DVL1: variants seen among roughly 807,000 people sequenced by gnomAD.
The protein encoded by DVL1 is dishevelled segment polarity protein 1.
Under a neutral mutation model 65.0 loss-of-function variants are expected in DVL1, and 49 were observed. The observed-to-expected ratio is 0.75, with a 90% CI of 0.60 to 0.96. The LOEUF (loss-of-function observed/expected upper bound fraction) is 0.96. DVL1 is among the 40% of genes least tolerant of loss of function. DVL1 has a pLI of 0.00. For missense variants in DVL1, 1,197 were observed against 1,045.4 expected (o/e 1.15, Z -2.00); for synonymous variants, 608 against 433.9 (o/e 1.40, Z -4.99).
At position 1,340,113 on chromosome 1, in the gene DVL1, G is replaced by C. The variant is rs1178197043; in HGVS notation, c.834C>G (p.Ile278Met). 1.2e-6 allele frequency: 2 copies of C among 1,613,276 alleles called. No homozygotes were observed. Among genetic ancestry groups the C allele is most frequent in the African/African-American group, 2.7e-5 (2 of 74,816 alleles). The change falls in exon 8 of 15, where the codon ATC (isoleucine) becomes ATG (methionine). Residue 278 changes from isoleucine (I) to methionine (M), a missense_variant. Transcript: ENST00000378888. Reference protein sequence around the residue: ...GQSNDRGDGGIYIGSIMKGGA... With the variant: ...GQSNDRGDGGMYIGSIMKGGA... Reference sequence around the variant, plus strand: ...CGCCCTTCATGATGGAGCCAATGTAGATGCCGCCGTCTCCACGGTCGTTGC... The same window carrying C: ...CGCCCTTCATGATGGAGCCAATGTACATGCCGCCGTCTCCACGGTCGTTGC...
In DVL1 at chr1:1,340,111, T is replaced by A; in HGVS notation, c.836A>T (p.Tyr279Phe). Residue 279 changes from tyrosine to phenylalanine, a missense_variant, in exon 8 of 15, where the codon TAC (tyrosine) becomes TTC (phenylalanine). Tyr to Phe is a conservative substitution (Grantham distance 22). Transcript: ENST00000378888. ...CCCGCCCTTCATGATGGAGCCAATG[T>A]AGATGCCGCCGTCTCCACGGTCGTT... ...QSNDRGDGGIYIGSIMKGGAV... is the reference protein window; with the variant it reads ...QSNDRGDGGIFIGSIMKGGAV... 5.0e-6 allele frequency: 8 copies of A among 1,613,246 alleles called. 1 individual carries two copies. The Middle Eastern group carries it at 1.3e-3, about 266-fold the overall frequency.
chr1:1,342,491 A>G lies in DVL1; in HGVS notation c.241-7T>C. On this transcript the variant is annotated splice_polypyrimidine_tract_variant and splice_region_variant and intron_variant, in intron 2 of 14. Transcript: ENST00000378888. Reference sequence around the variant, plus strand: ...CACCCTCAGCCAGGACCAGCTGTGGAGGGAGCAGGCATGCTCAGGGGAGCC... The same window carrying G: ...CACCCTCAGCCAGGACCAGCTGTGGGGGGAGCAGGCATGCTCAGGGGAGCC... 6.2e-7 allele frequency: 1 copy of G among 1,609,964 alleles called. No individual in the cohort carries two copies. Among genetic ancestry groups the G allele is most frequent in the Non-Finnish European group, 8.5e-7 (1 of 1,179,268 alleles).
At chr1:1,347,591 G>C (rs1477551449) in intron 1 of DVL1, among the ~76,000 whole-genome samples, 2 of 152,140 alleles carry the variant, frequency 1.3e-5, no homozygotes, top group Non-Finnish European at 2.9e-5. Context: ...TAGTAACTTT[G>C]GTAACTTTCG....
In DVL1 at chr1:1,342,370, A is replaced by AG. The variant is rs1327655221; in HGVS notation, c.354dup (p.Ser119LeufsTer11). 1 of 1,578,260 alleles carries AG rather than the reference A, an allele frequency of 6.3e-7. No homozygotes were observed. The highest frequency in any genetic ancestry group is 1.8e-5 in the Admixed American group (1 of 55,620). On this transcript the variant is annotated frameshift_variant, in exon 3 of 15. Transcript: ENST00000378888. LOFTEE classifies it high-confidence loss of function. ...CGCCCACGGTGTCCTTACTGGAAGG[A>AG]GGGGGGCCGGGAGTCCCCGATGCCG...
At chr1:1,343,961 C>G (rs1386098462) in intron 1 of DVL1, among the ~76,000 whole-genome samples, 1 of 152,146 alleles carries the variant, frequency 6.6e-6, no homozygotes, top group Non-Finnish European at 1.5e-5. Flanking sequence ...GGCACCCAGG[C>G]AGGCCGCAGA....
chr1:1,347,608 T>A (rs1643936282), intron 1 of DVL1, among the ~76,000 whole-genome samples: 1 of 152,154 alleles, frequency 6.6e-6, no homozygotes, highest in Non-Finnish European at 1.5e-5. Flanking sequence ...TTCGTTAGAA[T>A]AATAAACTAA....
At chr1:1,341,284 C>T (rs536811830) in intron 5 of DVL1, among the ~76,000 whole-genome samples, 22 of 151,972 alleles carry the variant, frequency 1.4e-4, no homozygotes, top group African/African-American at 5.1e-4. Context: ...ACTGTGAAAA[C>T]GCACCTCACA....
intron 14 of DVL1, 118 bp from the exon 15 acceptor site, chr1:1,336,633 T>C: frequency 7.5e-7 from 1 of 1,336,052 alleles, no homozygotes; most frequent in Non-Finnish European, 9.7e-7. Context: ...GACGGGTGGG[T>C]GGGGCAGCCA....
At chr1:1,340,524 C>G in intron 5 of DVL1, 21 bp from the exon 6 acceptor site, 2 of 1,580,814 alleles carry the variant, frequency 1.3e-6, no homozygotes, top group South Asian at 1.1e-5. Context: ...ACTGTCAGAG[C>G]TCAGAGGAGC....
chr1:1,342,874 C>T lies in DVL1; in HGVS notation c.171-116G>A, dbSNP rs1643869762. On this transcript the variant is annotated intron_variant, in intron 1 of 14. Transcript: ENST00000378888. ...CCACACAATGTCACTCTGTGGACAC[C>T]CCTGCTAGCGCATTCTCCTCTTGGG... The T allele has an allele frequency of 6.2e-6, 6 of 967,388 alleles. No individual in the cohort carries two copies. The East Asian group carries it at 7.5e-5, about 12-fold the overall frequency. 59.9% of individuals were successfully genotyped at this position (967,388 alleles called of 1,614,324 possible). A position where few individuals can be genotyped will look rare whatever the true frequency, so the allele number is the denominator to read the frequency against.
At chr1:1,337,288 C>T (rs563397844) in intron 14 of DVL1, among the ~76,000 whole-genome samples, 1 of 152,272 alleles carries the variant, frequency 6.6e-6, no homozygotes, top group Admixed American at 6.5e-5. Flanking sequence ...AAGCCACCTG[C>T]ACCCCTCCCT....
At chr1:1,346,007 C>T (rs1187505788) in intron 1 of DVL1, among the ~76,000 whole-genome samples, 1 of 152,154 alleles carries the variant, frequency 6.6e-6, no homozygotes, top group Non-Finnish European at 1.5e-5. Flanking sequence ...CTCAAGTGTC[C>T]CTGCTAGGCC....
intron 5 of DVL1, among the ~76,000 whole-genome samples, chr1:1,341,057 A>C (rs913616395): frequency 2.1e-5 from 3 of 142,990 alleles, no homozygotes; most frequent in African/African-American, 8.0e-5. Flanking sequence ...CTGCACACAC[A>C]TGCACACCTG....
In DVL1 at chr1:1,338,588, G is replaced by A; in HGVS notation, c.1273C>T (p.Pro425Ser). The A allele has an allele frequency of 6.2e-7, 1 of 1,612,426 alleles. No homozygotes were observed. The highest frequency in any genetic ancestry group is 8.5e-7 in the Non-Finnish European group (1 of 1,179,870). The change falls in exon 12 of 15, where the codon CCA (proline) becomes TCA (serine). Residue 425 changes from proline to serine, a missense_variant. By Grantham distance (74) the Pro-to-Ser change is moderately conservative. Coordinates refer to ENST00000378888, the MANE Select transcript of DVL1 (RefSeq NM_001330311.2). ...MSAVVRVMQL[P>S]DSGLEIRDRM... ...TCGCGGATCTCCAGTCCCGAGTCTG[G>A]CAGCTGCATGACCCGGACGACGGCG...
At chr1:1,341,535 TGCAG>T in intron 5 of DVL1, 128 bp downstream of exon 5, 1 of 1,215,210 alleles carries the variant, frequency 8.2e-7, no homozygotes, top group Non-Finnish European at 1.1e-6. Flanking sequence ...CACAGACATT[TGCAG>T]GCACACACAT....
At chr1:1,338,722 C>A (rs1643678356) in intron 11 of DVL1, 69 bp from the exon 12 acceptor site, 3 of 1,552,862 alleles carry the variant, frequency 1.9e-6, no homozygotes, top group Non-Finnish European at 2.6e-6. Flanking sequence ...CCCTGCACCC[C>A]CAGGGGAGCC....
chr1:1,344,662 C>A (rs1643892119), intron 1 of DVL1, among the ~76,000 whole-genome samples: 1 of 152,208 alleles, frequency 6.6e-6, no homozygotes, highest in Non-Finnish European at 1.5e-5. Flanking sequence ...TGCCCCCACA[C>A]AGGAGCCTTC....
chr1:1,343,013 C>G (rs1259574565), intron 1 of DVL1, among the ~76,000 whole-genome samples: 1 of 152,072 alleles, frequency 6.6e-6, no homozygotes, highest in Non-Finnish European at 1.5e-5. Flanking sequence ...CCTTCCTCTC[C>G]GTCACATCCT....
At chr1:1,342,323 GGCTTGGGGTA>G (rs780327423) in intron 3 of DVL1, 30 bp downstream of exon 3, 1 of 1,534,052 alleles carries the variant, frequency 6.5e-7, no homozygotes, top group South Asian at 1.2e-5. Context: ...CCCCATGACA[GGCTTGGGGTA>G]GCAGGGCCCA....
Sources: gnomAD v4.1 joint callset for allele counts (sites outside exome capture counted in the v4.1 genomes callset) on GRCh38, gnomAD v4.1.1 for gene constraint, MANE v1.5 for transcripts, NCBI Gene and HGNC (gene_info 2026-07-23, HGNC 2026-07-21) for gene names.